GRIPAP1: variants seen among roughly 807,000 people sequenced by gnomAD.
The protein encoded by GRIPAP1 is GRIP1-associated protein 1.
GRIPAP1 carries 14 observed loss-of-function variants against 84.1 expected under a neutral mutation model. The ratio of observed to expected loss-of-function variants is 0.17; its 90% confidence interval spans 0.11 to 0.26. The LOEUF is 0.26. GRIPAP1 is among the 10% of genes least tolerant of loss of function. GRIPAP1 has a pLI of 1.00. For missense variants in GRIPAP1, 518 were observed against 674.2 expected, an observed-to-expected ratio of 0.77 and a Z score of 2.57; for synonymous variants, 261 against 256.8, an observed-to-expected ratio of 1.02 and a Z score of -0.15.
chrX:48,981,516 G>A (rs781944670), intron 19 of GRIPAP1, 44 bp from the exon 20 acceptor site: 16 of 1,182,963 alleles, frequency 1.4e-5, no homozygotes, highest in Non-Finnish European at 1.8e-5. Flanking sequence ...CGGAAGGGCT[G>A]CCTGAAGCAT....
intron 21 of GRIPAP1, 114 bp from the exon 22 acceptor site, chrX:48,978,549 G>A: frequency 1.4e-6 from 1 of 692,708 alleles, no homozygotes; most frequent in Non-Finnish European, 2.0e-6. Flanking sequence ...AGACACCTGG[G>A]CATGGGGAAA....
chrX:48,980,225 TTGTGTGTGTGTGTGTG>T (rs781796368), intron 21 of GRIPAP1, among the ~76,000 whole-genome samples: 2 of 90,547 alleles, frequency 2.2e-5, no homozygotes, highest in African/African-American at 4.0e-5. Context: ...GCAACTAAAG[TTGTGTGTGTGTGTGTG>T]TGTGTGTGTG....
chrX:48,978,108 C>CA, intron 22 of GRIPAP1, 197 bp downstream of exon 22: 2 of 404,848 alleles, frequency 4.9e-6, no homozygotes, highest in Non-Finnish European at 8.8e-6. Context: ...AACAGAAAGT[C>CA]AGAGAGAGAG....
chrX:48,998,807 C>A (rs782783890), intron 3 of GRIPAP1, among the ~76,000 whole-genome samples: 1 of 111,716 alleles, frequency 9.0e-6, no homozygotes, highest in South Asian at 3.7e-4. Flanking sequence ...TCTTGAGGGG[C>A]CACAATAGGT....
chrX:48,996,821 G>A lies in GRIPAP1; in HGVS notation c.306+429C>T, dbSNP rs149864631. Among the ~76,000 whole-genome samples, 908 of 111,680 alleles carry A rather than the reference G, an allele frequency of 8.1e-3. 12 individuals carry two copies. Among genetic ancestry groups the A allele is most frequent in the African/African-American group, 0.028 (849 of 30,777 alleles). On this transcript the variant is annotated intron_variant, in intron 5 of 25. Coordinates refer to ENST00000376423, the MANE Select transcript of GRIPAP1 (RefSeq NM_020137.5). ...TGGGGAGATAGAATTAGTAGCTCCA[G>A]GATGAATTATCTGGAAGAGGTAGAA...
chrX:48,993,742 G>A (rs2064532224), intron 5 of GRIPAP1, among the ~76,000 whole-genome samples, 164 bp from the exon 6 acceptor site: 1 of 112,523 alleles, frequency 8.9e-6, no homozygotes, highest in East Asian at 2.8e-4. Context: ...GAGGCACAGA[G>A]ATGTTAAACA....
chrX:48,985,262 T>C lies in GRIPAP1; in HGVS notation c.1176+6A>G, dbSNP rs782404506. The C allele has an allele frequency of 8.3e-7, 1 of 1,206,124 alleles. No individual in the cohort carries two copies. The highest frequency in any genetic ancestry group is 1.8e-5 in the South Asian group (1 of 56,775). On this transcript the variant is annotated splice_donor_region_variant and intron_variant, in intron 14 of 25. Transcript: ENST00000376423. ...GGAAGAGACAGGCCAGAGCCAAAGG[T>C]GTTACCTGGAGCTGGGAGTTGAGGT... is the stretch of plus-strand genomic sequence containing the variant.
intron 17 of GRIPAP1, among the ~76,000 whole-genome samples, chrX:48,982,496 C>T (rs1047022958): frequency 2.7e-5 from 3 of 112,555 alleles, no homozygotes; most frequent in East Asian, 2.8e-4. Flanking sequence ...CTGCCTCAGC[C>T]TCCTGAGTAG....
In GRIPAP1 at chrX:48,998,198, G is replaced by A. The variant is rs371498645; in HGVS notation, c.172-18C>T. On this transcript the variant is annotated intron_variant, in intron 3 of 25. Coordinates refer to ENST00000376423, the MANE Select transcript of GRIPAP1 (RefSeq NM_020137.5). ...CTCAGTGCCTAAAGTGGGGGTGGGT[G>A]GGAAGAGAGCTAAAGTGAACAGAGA... 1.1e-5 allele frequency: 13 copies of A among 1,165,724 alleles called. No homozygotes were observed. Among genetic ancestry groups the A allele is most frequent in the Non-Finnish European group, 1.5e-5 (13 of 856,167 alleles).
chrX:48,979,702 C>G lies in GRIPAP1; in HGVS notation c.1931-1267G>C, dbSNP rs1602468201. Among the ~76,000 whole-genome samples, 6 of 105,304 alleles carry G rather than the reference C, an allele frequency of 5.7e-5. 1 individual carries two copies. Among genetic ancestry groups the G allele is most frequent in the African/African-American group, 2.1e-4 (6 of 29,035 alleles). 91.4% of individuals were successfully genotyped at this position (105,304 alleles called of 115,157 possible). A position where few individuals can be genotyped will look rare whatever the true frequency, so the allele number is the denominator to read the frequency against. On this transcript the variant is annotated intron_variant, in intron 21 of 25. Coordinates refer to ENST00000376423, the MANE Select transcript of GRIPAP1 (RefSeq NM_020137.5). ...TCTCGGCTCACTGCAACCCCTGCCTCCTGGGTTCAGGCAATTCTCCTGACT... is the reference window on the plus strand; with the variant it reads ...TCTCGGCTCACTGCAACCCCTGCCTGCTGGGTTCAGGCAATTCTCCTGACT...
At chrX:48,998,007 G>A in intron 4 of GRIPAP1, 147 bp downstream of exon 4, 1 of 535,806 alleles carries the variant, frequency 1.9e-6, no homozygotes, top group Non-Finnish European at 3.4e-6. Flanking sequence ...GGGAAACAAG[G>A]ACAGATACAG....
intron 11 of GRIPAP1, among the ~76,000 whole-genome samples, chrX:48,989,129 A>G (rs1233270130): frequency 9.0e-6 from 1 of 111,580 alleles, no homozygotes; most frequent in Non-Finnish European, 1.9e-5. Context: ...CCAGATCCTG[A>G]GGATCTCAAA....
chrX:48,974,584 T>C (rs1275167790), intron 25 of GRIPAP1, among the ~76,000 whole-genome samples: 1 of 111,873 alleles, frequency 8.9e-6, no homozygotes, highest in Admixed American at 9.5e-5. Flanking sequence ...AAGTGTGAGC[T>C]TGCTTCTCAA....
chrX:48,983,349 C>T lies in GRIPAP1; in HGVS notation c.1364G>A (p.Arg455His), dbSNP rs782656835. 1.1e-5 allele frequency: 13 copies of T among 1,210,121 alleles called. No individual in the cohort carries two copies. Among genetic ancestry groups the T allele is most frequent in the Middle Eastern group, 2.3e-4 (1 of 4,375 alleles). ...CAGCACCTCCTTCTCATGCCGTAGA[C>T]GAACTGCTCCCAGCTCTTCCTTGTG... ...SQHKEELGAV[R>H]LRHEKEVLGV... is the part of the protein sequence containing the mutation. The change falls in exon 16 of 26, where the codon CGT becomes CAT. Residue 455 changes from arginine (R) to histidine (H), a missense_variant. Physicochemically the swap from Arg to His is conservative, Grantham distance 29. Around this residue, in one of 5 missense-constraint regions of GRIPAP1, gnomAD observed 372 missense variants for 458.1 expected, o/e 0.81. Coordinates refer to ENST00000376423, the MANE Select transcript of GRIPAP1 (RefSeq NM_020137.5).
intron 13 of GRIPAP1, among the ~76,000 whole-genome samples, chrX:48,986,418 G>C (rs1557063755): frequency 9.1e-6 from 1 of 110,011 alleles, no homozygotes. Context: ...TTGAGATGGA[G>C]TCTCACTCTG....
Position 48,976,272 on chromosome X carries a change from G to T in GRIPAP1, c.2153C>A (p.Thr718Lys). 8.5e-7 allele frequency: 1 copy of T among 1,174,268 alleles called. No individual in the cohort carries two copies. The highest frequency in any genetic ancestry group is 1.1e-6 in the Non-Finnish European group (1 of 876,648). The change falls in exon 23 of 26, where the codon ACA becomes AAA. Residue 718 changes from threonine (T) to lysine (K), a missense_variant. Physicochemically the swap from Thr to Lys is moderately conservative, Grantham distance 78. This residue lies in a region of GRIPAP1 where 66 missense variants were observed against 65.2 expected (regional missense o/e 1.01). Transcript: ENST00000376423. ...VAELFQRLAETQQEKWMLEEK... is the reference protein window; with the variant it reads ...VAELFQRLAEKQQEKWMLEEK... ...CTCCAGCATCCATTTCTCCTGCTGT[G>T]TCTCTGCCAGCCGCTGAAAGAGCTC... is the stretch of plus-strand genomic sequence containing the variant.
At position 48,974,187 on chromosome X, in the gene GRIPAP1, A is replaced by C. The variant is rs782714480; in HGVS notation, c.*6T>G. 1 of 1,159,327 alleles carries C rather than the reference A, an allele frequency of 8.6e-7. No individual in the cohort carries two copies. The highest frequency in any genetic ancestry group is 1.2e-6 in the Non-Finnish European group (1 of 848,571). On this transcript the variant is annotated 3_prime_UTR_variant, in exon 26 of 26. Coordinates refer to ENST00000376423, the MANE Select transcript of GRIPAP1 (RefSeq NM_020137.5). ...AGGGGAGGAGGTGGGTGCAGCCTGC[A>C]GGTCTTTAGCTGGTTTCTCCTGGCT...
rs1429331716 is a variant in GRIPAP1 at position 48,999,500 on chromosome X, T to C, written c.47A>G (p.Gln16Arg). Residue 16 changes from glutamine (Q) to arginine (R), a missense_variant, in exon 2 of 26, where the codon CAG becomes CGG. By Grantham distance (43) the Gln-to-Arg change is conservative. Around this residue, in one of 5 missense-constraint regions of GRIPAP1, gnomAD observed 372 missense variants for 458.1 expected, o/e 0.81. Transcript: ENST00000376423. ...SEEEFQRMQA[Q>R]LLELRTNNYQ... ...GTTGTTTGTCCGGAGTTCCAGGAGCTGAGCCTTTGGGGGAGGCAGGAAGGG... is the reference window on the plus strand; with the variant it reads ...GTTGTTTGTCCGGAGTTCCAGGAGCCGAGCCTTTGGGGGAGGCAGGAAGGG... The C allele has an allele frequency of 8.3e-7, 1 of 1,198,735 alleles. No homozygotes were observed. Among genetic ancestry groups the C allele is most frequent in the East Asian group, 3.0e-5 (1 of 33,721 alleles).
rs781928842 is a variant in GRIPAP1 at position 48,982,873 on chromosome X, G to A, written c.1599+106C>T. 16 of 525,013 alleles carry A rather than the reference G, an allele frequency of 3.0e-5. No homozygotes were observed. In the East Asian group the frequency reaches 4.2e-4, roughly 14 times the overall value. The allele number at this position is 525,013 out of a possible 1,213,427, so 43.3% of individuals were successfully genotyped here. On this transcript the variant is annotated intron_variant, in intron 17 of 25. Coordinates refer to ENST00000376423, the MANE Select transcript of GRIPAP1 (RefSeq NM_020137.5). The stretch of plus-strand genomic sequence containing the variant: ...CAGGGGACTGTGGGGATATCCCTAA[G>A]TCCAGAAAATCTCGGGAAGTTCCAG...
Sources: gnomAD v4.1 joint callset for allele counts (sites outside exome capture counted in the v4.1 genomes callset) on GRCh38, gnomAD v4.1.1 for gene constraint, gnomAD v4.1.1 regional missense constraint, MANE v1.5 for transcripts, NCBI Gene and HGNC (gene_info 2026-07-23, HGNC 2026-07-21) for gene names.